Variants in COL5A2 observed in about 807,000 individuals in gnomAD.
COL5A2 encodes the protein collagen type V alpha 2 chain.
A neutral mutation model predicts 208.2 loss-of-function variants in COL5A2; 23 were observed. That is an observed-to-expected ratio of 0.11 (90% CI 0.08 to 0.16). COL5A2 has a LOEUF of 0.16. Ranked by LOEUF, COL5A2 falls within the 10% of genes least tolerant of loss-of-function variation. COL5A2 has a pLI of 1.00. For missense variants in COL5A2, 1,590 were observed against 1,956.4 expected (o/e 0.81, Z 3.53); for synonymous variants, 625 against 628.5 (o/e 0.99, Z 0.08).
At chr2:189,257,277 G>A in the COL5A2 span, among the ~76,000 whole-genome samples, 6 of 152,036 alleles carry the variant, frequency 3.9e-5, no homozygotes, top group Non-Finnish European at 8.8e-5. Context: ...GTATTTTATA[G>A]AACATTTTCT....
chr2:189,307,464 A>T, the COL5A2 span, among the ~76,000 whole-genome samples: 1 of 152,218 alleles, frequency 6.6e-6, no homozygotes, highest in South Asian at 2.1e-4. Context: ...CAAAACAAAA[A>T]TTAGACAATA....
At chr2:189,075,357 A>T in intron 17 of COL5A2, 36 bp downstream of exon 17, 1 of 1,443,152 alleles carries the variant, frequency 6.9e-7, no homozygotes, top group Non-Finnish European at 9.8e-7. Context: ...ATGCATGAAT[A>T]AATTAATGAA....
At chr2:189,404,987 A>G in the COL5A2 span, among the ~76,000 whole-genome samples, 1 of 152,204 alleles carries the variant, frequency 6.6e-6, no homozygotes, top group Non-Finnish European at 1.5e-5. Flanking sequence ...ATCATTTGAT[A>G]TCCATATGCC....
the COL5A2 span, among the ~76,000 whole-genome samples, chr2:189,254,574 C>T: frequency 3.3e-5 from 5 of 152,324 alleles, no homozygotes; most frequent in East Asian, 1.9e-4. Context: ...CAGAGAGCAA[C>T]CCCACAGTCA....
chr2:189,245,650 A>G, the COL5A2 span, among the ~76,000 whole-genome samples: 1 of 151,812 alleles, frequency 6.6e-6, no homozygotes. Flanking sequence ...GTGCCTGGCT[A>G]ATTTTTTTTG....
intron 1 of COL5A2, among the ~76,000 whole-genome samples, chr2:189,175,706 C>T (rs571509069): frequency 5.3e-5 from 8 of 152,106 alleles, no homozygotes; most frequent in Admixed American, 5.2e-4. Flanking sequence ...TTTTGTGCCA[C>T]CACGCCTACC....
At chr2:189,287,862 T>TGG in the COL5A2 span, among the ~76,000 whole-genome samples, 1 of 152,218 alleles carries the variant, frequency 6.6e-6, no homozygotes, top group Non-Finnish European at 1.5e-5. Flanking sequence ...AAATCCACTT[T>TGG]GGTTTTATCT....
intron 15 of COL5A2, 129 bp downstream of exon 15, chr2:189,078,934 G>C (rs1467857864): frequency 2.5e-6 from 2 of 790,418 alleles, no homozygotes; most frequent in African/African-American, 1.7e-5. Flanking sequence ...TGGTAATCAA[G>C]ATTATTTTAC....
Position 189,068,808 on chromosome 2 carries a change from G to A in COL5A2, c.1235C>T (p.Pro412Leu). The change falls in exon 19 of 54, where the codon CCA becomes CTA. Residue 412 changes from proline (P) to leucine (L), a missense_variant. Coordinates refer to ENST00000374866, the MANE Select transcript of COL5A2 (RefSeq NM_000393.5). Reference sequence around the variant, plus strand: ...TACAGGAAGACCTGGAGAGCCAACTGGACCTGGGGGCCCAGTTTCACCTCT... The same window carrying A: ...TACAGGAAGACCTGGAGAGCCAACTAGACCTGGGGGCCCAGTTTCACCTCT... ...GQRGETGPPG[P>L]VGSPGLPGAI... The A allele has an allele frequency of 6.2e-7, 1 of 1,613,186 alleles. No homozygotes were observed. The highest frequency in any genetic ancestry group is 8.5e-7 in the Non-Finnish European group (1 of 1,179,658).
intron 2 of COL5A2, among the ~76,000 whole-genome samples, chr2:189,109,411 C>T (rs1370216567): frequency 2.6e-5 from 4 of 152,026 alleles, no homozygotes; most frequent in East Asian, 3.9e-4. Flanking sequence ...TTTCCATATA[C>T]ATACTGTTGA....
At chr2:189,338,706 TATAA>T in the COL5A2 span, among the ~76,000 whole-genome samples, 1 of 147,974 alleles carries the variant, frequency 6.8e-6, no homozygotes, top group African/African-American at 2.4e-5. Context: ...TATTTTATAT[TATAA>T]ATATATTTTA....
chr2:189,406,812 T>C, the COL5A2 span, among the ~76,000 whole-genome samples: 104 of 152,220 alleles, frequency 6.8e-4, 1 homozygote, highest in Middle Eastern at 3.4e-3. Flanking sequence ...GATAAACTCT[T>C]GTCTTAACAC....
chr2:189,062,052 A>G (rs1686043062), intron 29 of COL5A2, among the ~76,000 whole-genome samples: 1 of 152,166 alleles, frequency 6.6e-6, no homozygotes, highest in Non-Finnish European at 1.5e-5. Flanking sequence ...AGAAAGATTT[A>G]AACTGCCCCA....
At chr2:189,415,440 A>T in the COL5A2 span, among the ~76,000 whole-genome samples, 2 of 152,134 alleles carry the variant, frequency 1.3e-5, no homozygotes, top group African/African-American at 4.8e-5. Flanking sequence ...CATTTCGGGA[A>T]AAAAGTATGT....
the COL5A2 span, among the ~76,000 whole-genome samples, chr2:189,402,723 G>A: frequency 9.9e-5 from 15 of 152,158 alleles, no homozygotes; most frequent in Middle Eastern, 3.4e-3. Flanking sequence ...TCTTATTTAC[G>A]GATTCTGTAT....
the COL5A2 span, among the ~76,000 whole-genome samples, chr2:189,322,996 G>A: frequency 2.6e-5 from 1 of 38,092 alleles, no homozygotes; most frequent in African/African-American, 4.6e-5. Flanking sequence ...CTTCATCCCT[G>A]GGATGCAAGC....
At chr2:189,263,272 G>A in the COL5A2 span, among the ~76,000 whole-genome samples, 727 of 152,242 alleles carry the variant, frequency 4.8e-3, 9 homozygotes, top group African/African-American at 0.016. Context: ...GAAGGAGATA[G>A]CTGGGCAACT....
chr2:189,104,124 C>T (rs527481615), intron 3 of COL5A2, 140 bp downstream of exon 3: 2 of 708,868 alleles, frequency 2.8e-6, no homozygotes, highest in East Asian at 2.6e-5. Context: ...CTGAACTGTG[C>T]TTATATACTT....
At chr2:189,128,626 T>C (rs1687653275) in intron 1 of COL5A2, among the ~76,000 whole-genome samples, 2 of 152,012 alleles carry the variant, frequency 1.3e-5, no homozygotes, top group South Asian at 4.1e-4. Context: ...TCTGATTTTG[T>C]TTTGAAACTG....
Sources: allele counts gnomAD v4.1 joint callset (sites outside exome capture counted in the v4.1 genomes callset), GRCh38; gene constraint gnomAD v4.1.1; transcripts MANE v1.5; gene names NCBI Gene and HGNC (gene_info 2026-07-23, HGNC 2026-07-21).